The following ARHGEF3 variants were observed in gnomAD, a reference collection of about 807,000 sequenced individuals.
The protein encoded by ARHGEF3 is Rho guanine nucleotide exchange factor 3, also known as 59.8 kDA protein.
In ARHGEF3, 28 loss-of-function variants were observed where a neutral mutation model predicts 63.2. The observed-to-expected ratio is 0.44, with a 90% CI of 0.33 to 0.61. The LOEUF (loss-of-function observed/expected upper bound fraction) is 0.61. Among genes scored for constraint, ARHGEF3 ranks in the 20% least tolerant of loss-of-function variants. The probability of loss-of-function intolerance (pLI) is 0.03; values close to 1 mark genes in which losing one functional copy is unlikely to be tolerated. For synonymous variants in ARHGEF3, 266 were observed against 254.2 expected (o/e 1.05, Z -0.44); for missense variants, 533 against 659.3 (o/e 0.81, Z 2.10).
At chr3:56,986,664 C>T (rs1701551809) in intron 2 of ARHGEF3, among the ~76,000 whole-genome samples, 1 of 152,044 alleles carries the variant, frequency 6.6e-6, no homozygotes, top group South Asian at 2.1e-4. Context: ...GAAGACTGCA[C>T]AAAACCCCCC....
chr3:56,944,071 G>A (rs1028339389), intron 3 of ARHGEF3, among the ~76,000 whole-genome samples: 1 of 152,210 alleles, frequency 6.6e-6, no homozygotes, highest in Non-Finnish European at 1.5e-5. Context: ...AGCTACTCGG[G>A]CGGCTGAGGC....
chr3:56,822,307 C>T (rs907531815), intron 4 of ARHGEF3, among the ~76,000 whole-genome samples: 1 of 152,156 alleles, frequency 6.6e-6, no homozygotes, highest in Non-Finnish European at 1.5e-5. Flanking sequence ...GTCAGGCTGG[C>T]TCCAGGGCCC....
intron 1 of ARHGEF3, chr3:56,775,283 C>A (rs751421084): frequency 4.5e-5 from 56 of 1,243,554 alleles, no homozygotes; most frequent in Non-Finnish European, 5.2e-5. Context: ...CTGAGACACT[C>A]TCATGTCATT....
chr3:56,911,216 A>G (rs2041844791), intron 3 of ARHGEF3, among the ~76,000 whole-genome samples: 1 of 152,036 alleles, frequency 6.6e-6, no homozygotes, highest in Admixed American at 6.6e-5. Flanking sequence ...GGTCTGTGAG[A>G]GGTAAAGGAG....
At chr3:56,793,899 A>G (rs1450031674) in intron 1 of ARHGEF3, among the ~76,000 whole-genome samples, 1 of 152,244 alleles carries the variant, frequency 6.6e-6, no homozygotes, top group Admixed American at 6.5e-5. Flanking sequence ...CTAAAGAAGC[A>G]TATTAAGCCT....
At chr3:56,816,364 T>C (rs538466861) in intron 4 of ARHGEF3, among the ~76,000 whole-genome samples, 1 of 152,330 alleles carries the variant, frequency 6.6e-6, no homozygotes, top group African/African-American at 2.4e-5. Flanking sequence ...TTATAAGAAT[T>C]AGAACTAAAA....
intron 5 of ARHGEF3, 52 bp from the exon 6 acceptor site, chr3:56,751,184 G>A: frequency 3.8e-6 from 6 of 1,589,278 alleles, no homozygotes; most frequent in Non-Finnish European, 5.2e-6. Context: ...ATATGAACAG[G>A]GCTGGAAGTA....
chr3:56,836,493 A>C (rs11929133), intron 4 of ARHGEF3, among the ~76,000 whole-genome samples: 12,953 of 152,290 alleles, frequency 0.085, 806 homozygotes, highest in Admixed American at 0.21. Context: ...ACACCCACAG[A>C]GTCCCTACAA....
At chr3:56,960,187 A>G (rs1700219481) in intron 2 of ARHGEF3, among the ~76,000 whole-genome samples, 1 of 152,218 alleles carries the variant, frequency 6.6e-6, no homozygotes, top group Non-Finnish European at 1.5e-5. Flanking sequence ...CAACTAACCA[A>G]TACTGAGCAC....
intron 2 of ARHGEF3, among the ~76,000 whole-genome samples, chr3:57,020,774 C>T (rs1223161844): frequency 2.0e-5 from 3 of 152,336 alleles, no homozygotes; most frequent in East Asian, 1.9e-4. Flanking sequence ...TATCTACTGT[C>T]GGACCTTCCA....
At chr3:56,920,301 C>T (rs984965973) in intron 3 of ARHGEF3, among the ~76,000 whole-genome samples, 2 of 152,166 alleles carry the variant, frequency 1.3e-5, no homozygotes, top group African/African-American at 4.8e-5. Flanking sequence ...GTAACAACCC[C>T]TCTTGTTGGG....
At chr3:57,025,806 T>A (rs891370328) in intron 2 of ARHGEF3, among the ~76,000 whole-genome samples, 1 of 152,130 alleles carries the variant, frequency 6.6e-6, no homozygotes, top group Non-Finnish European at 1.5e-5. Flanking sequence ...CACCAATGTA[T>A]CCATGAGCCC....
At chr3:56,772,758 A>G (rs180932421) in intron 2 of ARHGEF3, among the ~76,000 whole-genome samples, 29 of 152,336 alleles carry the variant, frequency 1.9e-4, no homozygotes, top group Non-Finnish European at 2.8e-4. Flanking sequence ...ATTGCTAACT[A>G]AGGGCCAAGG....
chr3:56,798,515 C>T (rs2037478299), intron 1 of ARHGEF3, among the ~76,000 whole-genome samples: 1 of 148,114 alleles, frequency 6.8e-6, no homozygotes, highest in Non-Finnish European at 1.5e-5. Context: ...CTTACCTGAG[C>T]TTGCTTCCTT....
At chr3:56,891,590 A>G (rs914733245) in intron 3 of ARHGEF3, among the ~76,000 whole-genome samples, 29 of 152,306 alleles carry the variant, frequency 1.9e-4, no homozygotes, top group African/African-American at 7.0e-4. Flanking sequence ...GTGAGTTTAC[A>G]TCTTAGTTAA....
chr3:56,971,432 C>T (rs1401040023), intron 2 of ARHGEF3, among the ~76,000 whole-genome samples: 5 of 152,068 alleles, frequency 3.3e-5, no homozygotes, highest in Non-Finnish European at 7.4e-5. Context: ...AAATGCCAAC[C>T]AACTTCTCAG....
At chr3:56,976,569 G>C (rs114338753) in intron 2 of ARHGEF3, among the ~76,000 whole-genome samples, 1 of 152,050 alleles carries the variant, frequency 6.6e-6, no homozygotes, top group Non-Finnish European at 1.5e-5. Context: ...CTTAAAAGTG[G>C]GTCCTCAGAT....
intron 1 of ARHGEF3, among the ~76,000 whole-genome samples, chr3:56,778,166 T>A (rs543271502): frequency 2.0e-5 from 3 of 152,356 alleles, no homozygotes; most frequent in Admixed American, 2.0e-4. Flanking sequence ...GAGCTAATAC[T>A]GGTAGCAGGA....
At chr3:56,906,832 G>C (rs2041698206) in intron 3 of ARHGEF3, among the ~76,000 whole-genome samples, 1 of 147,424 alleles carries the variant, frequency 6.8e-6, no homozygotes, top group East Asian at 2.0e-4. Flanking sequence ...GCGAGACTCT[G>C]TCTCAAAAAA....
Sources: allele counts gnomAD v4.1 joint callset (sites outside exome capture counted in the v4.1 genomes callset), GRCh38; gene constraint gnomAD v4.1.1; transcripts MANE v1.5; gene names NCBI Gene and HGNC (gene_info 2026-07-23, HGNC 2026-07-21).